Variants in CEMIP observed in about 807,000 individuals in gnomAD.
CEMIP encodes the protein cell migration inducing hyaluronidase 1.
Under a neutral mutation model 156.9 loss-of-function variants are expected in CEMIP, and 105 were observed. The observed-to-expected ratio is 0.67, with a 90% CI of 0.57 to 0.79. The LOEUF (loss-of-function observed/expected upper bound fraction) is 0.79. Among genes scored for constraint, CEMIP ranks in the 30% least tolerant of loss-of-function variants. The probability of loss-of-function intolerance (pLI) is 0.00; values close to 1 mark genes in which losing one functional copy is unlikely to be tolerated. For missense variants in CEMIP, 1,457 were observed against 1,769.4 expected (o/e 0.82, Z 3.17); for synonymous variants, 676 against 668.4 (o/e 1.01, Z -0.17).
intron 25 of CEMIP, among the ~76,000 whole-genome samples, chr15:80,941,403 G>T (rs1014245118): frequency 6.6e-6 from 1 of 152,090 alleles, no homozygotes; most frequent in Non-Finnish European, 1.5e-5. Context: ...GAAAACTAGA[G>T]ATAGGAAGAC....
intron 1 of CEMIP, among the ~76,000 whole-genome samples, chr15:80,801,892 G>A (rs1003159627): frequency 1.3e-5 from 2 of 152,188 alleles, no homozygotes; most frequent in Non-Finnish European, 2.9e-5. Context: ...TATTGACAAA[G>A]CATTTACATT....
At chr15:80,871,611 C>G (rs1338070375) in intron 1 of CEMIP, among the ~76,000 whole-genome samples, 1 of 152,202 alleles carries the variant, frequency 6.6e-6, no homozygotes, top group Non-Finnish European at 1.5e-5. Flanking sequence ...ACCCTGCCAC[C>G]TCCAACCTTG....
At chr15:80,782,764 T>C (rs974270474) in intron 1 of CEMIP, among the ~76,000 whole-genome samples, 1 of 152,212 alleles carries the variant, frequency 6.6e-6, no homozygotes, top group Non-Finnish European at 1.5e-5. Context: ...GAAGAATACA[T>C]GCTACAGATG....
intron 1 of CEMIP, among the ~76,000 whole-genome samples, chr15:80,858,830 T>C (rs923748316): frequency 6.6e-6 from 1 of 152,210 alleles, no homozygotes; most frequent in African/African-American, 2.4e-5. Flanking sequence ...CAATTCAAAC[T>C]GGCTTAAATG....
chr15:80,792,037 G>A lies in CEMIP; in HGVS notation c.-176+12423G>A, dbSNP rs571591344. Among the ~76,000 whole-genome samples, 26 of 152,292 alleles carry A rather than the reference G, an allele frequency of 1.7e-4. No individual in the cohort carries two copies. In the South Asian group the frequency reaches 5.4e-3, roughly 32 times the overall value. ...ACTGTAGTTGTCATCAGACATTTGG[G>A]TGATTTTAGCAAAATAAACCCACCC... is the stretch of plus-strand genomic sequence containing the variant. On this transcript the variant is annotated intron_variant, in intron 1 of 29. Coordinates refer to ENST00000394685, the MANE Select transcript of CEMIP (RefSeq NM_001293298.2).
chr15:80,796,692 C>G (rs531617851), intron 1 of CEMIP, among the ~76,000 whole-genome samples: 1 of 151,846 alleles, frequency 6.6e-6, no homozygotes, highest in African/African-American at 2.4e-5. Context: ...ACCATTTATT[C>G]AGCAAACGTT....
intron 7 of CEMIP, among the ~76,000 whole-genome samples, chr15:80,886,613 T>G (rs1898851159): frequency 6.6e-6 from 1 of 152,192 alleles, no homozygotes; most frequent in African/African-American, 2.4e-5. Flanking sequence ...CTGCAACAAA[T>G]CACTGATTAA....
chr15:80,812,780 T>C (rs928492212), intron 1 of CEMIP, among the ~76,000 whole-genome samples: 1 of 152,116 alleles, frequency 6.6e-6, no homozygotes, highest in Non-Finnish European at 1.5e-5. Flanking sequence ...AATCATTAGG[T>C]CTAATTTGTT....
chr15:80,839,981 C>T (rs937685316), intron 1 of CEMIP, among the ~76,000 whole-genome samples: 1 of 152,200 alleles, frequency 6.6e-6, no homozygotes, highest in African/African-American at 2.4e-5. Context: ...CAAGGCCACC[C>T]AGCTGGGAAA....
intron 6 of CEMIP, among the ~76,000 whole-genome samples, chr15:80,882,949 G>A (rs1898714556): frequency 6.6e-6 from 1 of 152,150 alleles, no homozygotes; most frequent in Non-Finnish European, 1.5e-5. Flanking sequence ...ACTGGGCACT[G>A]AGAAGCACTA....
chr15:80,945,562 C>T (rs1305140192), intron 28 of CEMIP, among the ~76,000 whole-genome samples: 2 of 152,328 alleles, frequency 1.3e-5, no homozygotes. Context: ...CTCCAGCCTT[C>T]CTCAAGGGCC....
At chr15:80,839,500 C>T (rs578077888) in intron 1 of CEMIP, among the ~76,000 whole-genome samples, 195 of 152,230 alleles carry the variant, frequency 1.3e-3, no homozygotes, top group African/African-American at 4.4e-3. Context: ...GGCCAGCACC[C>T]GCAGCAGCAG....
At chr15:80,931,359 G>A (rs1217090659) in intron 21 of CEMIP, among the ~76,000 whole-genome samples, 1 of 152,222 alleles carries the variant, frequency 6.6e-6, no homozygotes. Context: ...AGAAACTCAT[G>A]TGGGTCTTAA....
At chr15:80,920,334 G>T (rs377296968) in intron 15 of CEMIP, 35 bp downstream of exon 15, 144 of 1,584,040 alleles carry the variant, frequency 9.1e-5, no homozygotes, top group Non-Finnish European at 1.2e-4. Flanking sequence ...GTGCTGGGGG[G>T]AAGGGGTGTA....
intron 15 of CEMIP, 97 bp from the exon 16 acceptor site, chr15:80,920,935 A>C: frequency 1.1e-6 from 1 of 901,614 alleles, no homozygotes; most frequent in Non-Finnish European, 1.8e-6. Context: ...AGAGACTATC[A>C]GGCCAATATC....
intron 3 of CEMIP, among the ~76,000 whole-genome samples, chr15:80,876,059 G>T (rs1898465502): frequency 6.6e-6 from 1 of 152,240 alleles, no homozygotes; most frequent in African/African-American, 2.4e-5. Flanking sequence ...GGACTACGAG[G>T]CTGCAAGGCT....
chr15:80,786,205 G>A (rs2141564351), intron 1 of CEMIP, among the ~76,000 whole-genome samples: 1 of 152,080 alleles, frequency 6.6e-6, no homozygotes, highest in Non-Finnish European at 1.5e-5. Flanking sequence ...AATAGTGTTA[G>A]CTTAGTTTTA....
At position 80,922,065 on chromosome 15, in the gene CEMIP, G is replaced by C; in HGVS notation, c.2130G>C (p.Met710Ile). ...HHVPTGPSVGMYSPGYSEHIP... is the reference protein window; with the variant it reads ...HHVPTGPSVGIYSPGYSEHIP... Reference sequence around the variant, plus strand: ...TACCAACGGGCCCCTCCGTGGGAATGTACTCCCCAGGTTATTCAGAGCACA... The same window carrying C: ...TACCAACGGGCCCCTCCGTGGGAATCTACTCCCCAGGTTATTCAGAGCACA... Residue 710 changes from methionine to isoleucine, a missense_variant, in exon 17 of 30, where the codon ATG becomes ATC. Met to Ile is a conservative substitution (Grantham distance 10). Transcript: ENST00000394685. 6.2e-7 allele frequency: 1 copy of C among 1,614,196 alleles called. No homozygotes were observed. The highest frequency in any genetic ancestry group is 8.5e-7 in the Non-Finnish European group (1 of 1,179,984).
rs182988435 is a variant in CEMIP at position 80,844,290 on chromosome 15, C to T, written c.-175-29248C>T. Among the ~76,000 whole-genome samples the T allele has an allele frequency of 4.1e-3, 626 of 152,326 alleles. 4 individuals are homozygous for T. Among genetic ancestry groups the T allele is most frequent in the Non-Finnish European group, 7.1e-3 (483 of 68,038 alleles). On this transcript the variant is annotated intron_variant, in intron 1 of 29. Coordinates refer to ENST00000394685, the MANE Select transcript of CEMIP (RefSeq NM_001293298.2). The stretch of plus-strand genomic sequence containing the variant: ...AGCTGCCTCGGGGCCTCTCTGCCTG[C>T]GCCCCCCAGCCAGCCTGTGCCCTGC...
Sources: allele counts gnomAD v4.1 joint callset (sites outside exome capture counted in the v4.1 genomes callset), GRCh38; gene constraint gnomAD v4.1.1; transcripts MANE v1.5; gene names NCBI Gene and HGNC (gene_info 2026-07-23, HGNC 2026-07-21).